CYP4V2: variants seen among roughly 807,000 people sequenced by gnomAD.
CYP4V2 encodes cytochrome P450 4V2.
CYP4V2 carries 55 observed loss-of-function variants against 60.8 expected under a neutral mutation model. The ratio of observed to expected loss-of-function variants is 0.90; its 90% confidence interval spans 0.73 to 1.13. CYP4V2 has a LOEUF of 1.13. Among genes scored for constraint, CYP4V2 ranks in the 50% most tolerant of loss-of-function variants. The probability of loss-of-function intolerance (pLI) is 0.00; values close to 1 mark genes in which losing one functional copy is unlikely to be tolerated. For synonymous variants in CYP4V2, 239 were observed against 236.8 expected (o/e 1.01, Z -0.08); for missense variants, 675 against 662.9 (o/e 1.02, Z -0.20).
At chr4:186,209,952 C>A (rs1736653605) in intron 10 of CYP4V2, among the ~76,000 whole-genome samples, 1 of 152,152 alleles carries the variant, frequency 6.6e-6, no homozygotes, top group African/African-American at 2.4e-5. Flanking sequence ...GTGTTTATTG[C>A]TTTTAAGAAT....
chr4:186,202,829 CCCA>C (rs1561434607), intron 7 of CYP4V2: 1 of 151,542 alleles, frequency 6.6e-6, no homozygotes, highest in Non-Finnish European at 1.5e-5. Context: ...TACACACACA[CCCA>C]GATACTCATG....
rs371789104 is a variant in CYP4V2, at chr4:186,200,952, A to T, written c.802-205A>T. 8.5e-5 allele frequency among the ~76,000 whole-genome samples: 13 copies of T among 152,296 alleles called. No homozygotes were observed. In the East Asian group the frequency reaches 1.9e-3, roughly 23 times the overall value. On this transcript the variant is annotated intron_variant, in intron 6 of 10. Transcript: ENST00000378802. ...AAAATTAGGAATTTGCGTGACATTA[A>T]ATTTGTTTTTAAAAGTTTCACCAGA...
At chr4:186,205,324 G>A (rs1043786993) in intron 8 of CYP4V2, 22 bp downstream of exon 8, 1 of 1,602,142 alleles carries the variant, frequency 6.2e-7, no homozygotes, top group East Asian at 2.2e-5. Flanking sequence ...CCCTTCACTG[G>A]TTATATTGTG....
At chr4:186,194,365 C>G (rs1561430729) in intron 1 of CYP4V2, 135 bp from the exon 2 acceptor site, 1 of 766,576 alleles carries the variant, frequency 1.3e-6, no homozygotes, top group Non-Finnish European at 2.2e-6. Context: ...CACACATGCT[C>G]TCTACCTGGC....
rs1284486857 is a variant in CYP4V2 at position 186,194,744 on chromosome 4, C to T, written c.327+132C>T. The T allele has an allele frequency of 8.6e-6, 7 of 810,348 alleles. No homozygotes were observed. The Admixed American group carries it at 1.1e-4, about 12-fold the overall frequency. 50.2% of individuals were successfully genotyped at this position (810,348 alleles called of 1,614,324 possible). On this transcript the variant is annotated intron_variant, in intron 2 of 10. Coordinates refer to ENST00000378802, the MANE Select transcript of CYP4V2 (RefSeq NM_207352.4). ...AAAACATTCCACTAAGTATTTTAGA[C>T]TATATAGGTGCAATTTAATGCTTTC...
chr4:186,192,112 C>G, intron 1 of CYP4V2, 75 bp downstream of exon 1: 1 of 1,508,606 alleles, frequency 6.6e-7, no homozygotes, highest in Non-Finnish European at 8.9e-7. Context: ...GCCAGGAACC[C>G]GCTGCTTGTG....
In CYP4V2 at chr4:186,196,098, T is replaced by C. The variant is rs750267362; in HGVS notation, c.413+10T>C. ...TAGGACTTCTTACAAGGTATGCCAG[T>C]GTACCTTTGTAAAGCTGTCTATAGA... On this transcript the variant is annotated intron_variant, in intron 3 of 10. Transcript: ENST00000378802. 3.7e-6 allele frequency: 6 copies of C among 1,602,224 alleles called. No homozygotes were observed. In the South Asian group the frequency reaches 5.5e-5, roughly 15 times the overall value.
intron 1 of CYP4V2, 96 bp downstream of exon 1, chr4:186,192,133 C>T (rs1736007712): frequency 3.4e-6 from 5 of 1,451,424 alleles, no homozygotes; most frequent in African/African-American, 2.8e-5. Flanking sequence ...GCGCTGGCCG[C>T]AGGAGAGAGG....
At position 186,197,522 on chromosome 4, in the gene CYP4V2, A is replaced by G. The variant is rs1339830313; in HGVS notation, c.605-11A>G. The G allele has an allele frequency of 6.2e-7, 1 of 1,614,166 alleles. No individual in the cohort carries two copies. Among genetic ancestry groups the G allele is most frequent in the Admixed American group, 1.7e-5 (1 of 60,028 alleles). On this transcript the variant is annotated splice_polypyrimidine_tract_variant and intron_variant, in intron 4 of 10. Transcript: ENST00000378802. ...TGAATTGAATGGTTGCTTCTCACCC[A>G]TATTTTATAGAAACAGCTATGGGGA...
intron 7 of CYP4V2, chr4:186,202,801 TAC>T (rs1043779398): frequency 4.9e-5 from 7 of 143,508 alleles, no homozygotes; most frequent in South Asian, 2.1e-4. Context: ...CACACGTGCA[TAC>T]ACTCACACAC....
At chr4:186,207,301 C>A (rs184453032) in intron 8 of CYP4V2, among the ~76,000 whole-genome samples, 4 of 150,672 alleles carry the variant, frequency 2.7e-5, no homozygotes, top group Admixed American at 2.0e-4. Context: ...CCCAGCTACT[C>A]GGGAGGCTGA....
intron 7 of CYP4V2, chr4:186,203,855 C>G (rs371254923): frequency 2.6e-4 from 40 of 152,252 alleles, no homozygotes; most frequent in East Asian, 2.1e-3. Flanking sequence ...ATTTTAGGAG[C>G]TGTTTTATAA....
At chr4:186,202,155 T>A (rs1736322972) in intron 7 of CYP4V2, 1 of 152,266 alleles carries the variant, frequency 6.6e-6, no homozygotes, top group African/African-American at 2.4e-5. Context: ...CTGTGCTGAT[T>A]AGCCAAATAA....
At chr4:186,204,006 T>C (rs1404534825) in intron 7 of CYP4V2, 1 of 150,686 alleles carries the variant, frequency 6.6e-6, no homozygotes, top group Non-Finnish European at 1.5e-5. Flanking sequence ...TTCAGAGAGG[T>C]AGATTACTGT....
Position 186,195,337 on chromosome 4 carries a change from G to A in CYP4V2, c.328-666G>A, listed in dbSNP as rs1736119902. ...AGAAGAGAGCAAGAAGGGCAGACAG[G>A]ATTTCTGCCGCTGTTGGCCTAGTGT... is the stretch of plus-strand genomic sequence containing the variant. On this transcript the variant is annotated intron_variant, in intron 2 of 10. Transcript: ENST00000378802. The surrounding 1 kb of genome is among the most constrained non-coding windows in gnomAD (Gnocchi z 4.1). 6.6e-6 allele frequency among the ~76,000 whole-genome samples: 1 copy of A among 152,224 alleles called. No homozygotes were observed. The highest frequency in any genetic ancestry group is 2.1e-4 in the South Asian group (1 of 4,834).
At chr4:186,197,987 G>A (rs10006933) in intron 5 of CYP4V2, among the ~76,000 whole-genome samples, 4,720 of 152,202 alleles carry the variant, frequency 0.031, 216 homozygotes, top group African/African-American at 0.11. Context: ...TCATTGTCTC[G>A]TGTATGTGTT....
At chr4:186,200,598 ACAGGGGTAG>A (rs1430819114) in intron 6 of CYP4V2, among the ~76,000 whole-genome samples, 2 of 152,260 alleles carry the variant, frequency 1.3e-5, no homozygotes, top group African/African-American at 4.8e-5. Context: ...AGTGCTAGGG[ACAGGGGTAG>A]CAGGGATGAG....
chr4:186,208,895 AC>A lies in CYP4V2; in HGVS notation c.1123del (p.Leu375Ter), dbSNP rs1579976512. ...TCTGACCGTCCCGCTACAGTAGAAG[AC>A]CTGAAGAAACTTCGGTATCTGGAAT... Reference protein sequence around the residue: ...GKSDRPATVEDLKKLRYLECV... With the variant: ...GKSDRPATVEXLKKLRYLECV... On this transcript the variant is annotated frameshift_variant, in exon 9 of 11. Transcript: ENST00000378802. LOFTEE classifies it high-confidence loss of function. 1 of 1,614,200 alleles carries A rather than the reference AC, an allele frequency of 6.2e-7. No individual in the cohort carries two copies.
intron 10 of CYP4V2, among the ~76,000 whole-genome samples, chr4:186,209,754 CA>C (rs976803182): frequency 6.6e-6 from 1 of 152,132 alleles, no homozygotes; most frequent in African/African-American, 2.4e-5. Context: ...TACCTGTCTC[CA>C]AATACAGTCA....
Sources: gnomAD v4.1 joint callset for allele counts (sites outside exome capture counted in the v4.1 genomes callset) on GRCh38, gnomAD v4.1.1 for gene constraint, Gnocchi (gnomAD v3.1) non-coding constraint, MANE v1.5 for transcripts, NCBI Gene and HGNC (gene_info 2026-07-23, HGNC 2026-07-21) for gene names.